Variants in CCDC170 observed in about 807,000 individuals in gnomAD.
The protein encoded by CCDC170 is coiled-coil domain-containing protein 170.
A neutral mutation model predicts 72.6 loss-of-function variants in CCDC170; 69 were observed. The ratio of observed to expected loss-of-function variants is 0.95; its 90% CI spans 0.78 to 1.16. The LOEUF is 1.16. Among genes scored for constraint, CCDC170 ranks in the 50% most tolerant of loss-of-function variants. CCDC170 has a pLI of 0.00. For missense variants in CCDC170, 852 were observed against 832.5 expected (o/e 1.02, Z -0.29); for synonymous variants, 300 against 303.9 (o/e 0.99, Z 0.13).
At chr6:151,519,150 C>T (rs1782280768) in intron 1 of CCDC170, among the ~76,000 whole-genome samples, 1 of 152,058 alleles carries the variant, frequency 6.6e-6, no homozygotes, top group African/African-American at 2.4e-5. Context: ...CTGCAAGAGA[C>T]CAGGGTGTAT....
chr6:151,527,510 G>C (rs1036146105), intron 1 of CCDC170, among the ~76,000 whole-genome samples: 1 of 152,148 alleles, frequency 6.6e-6, no homozygotes, highest in Non-Finnish European at 1.5e-5. Context: ...AAAATTGACA[G>C]GATGAATGAT....
At chr6:151,552,273 G>C (rs921248209) in intron 5 of CCDC170, among the ~76,000 whole-genome samples, 1 of 151,504 alleles carries the variant, frequency 6.6e-6, no homozygotes, top group Non-Finnish European at 1.5e-5. Flanking sequence ...CACTGCTGGT[G>C]ACGATAAGTT....
chr6:151,592,274 T>C (rs1279062377), intron 7 of CCDC170, among the ~76,000 whole-genome samples: 1 of 151,994 alleles, frequency 6.6e-6, no homozygotes, highest in Non-Finnish European at 1.5e-5. Flanking sequence ...GCAGGAGAAT[T>C]GCCGGAACCT....
At chr6:151,563,059 A>T (rs958961605) in intron 5 of CCDC170, among the ~76,000 whole-genome samples, 5 of 152,108 alleles carry the variant, frequency 3.3e-5, no homozygotes, top group Non-Finnish European at 7.4e-5. Flanking sequence ...GGCTGAGGGG[A>T]GAGTCTCTTC....
chr6:151,525,454 T>C (rs1262528748), intron 1 of CCDC170, among the ~76,000 whole-genome samples: 1 of 152,108 alleles, frequency 6.6e-6, no homozygotes, highest in Non-Finnish European at 1.5e-5. Flanking sequence ...CCCTAACTGA[T>C]CAATTGACCT....
intron 5 of CCDC170, among the ~76,000 whole-genome samples, chr6:151,560,753 G>T (rs1156820166): frequency 6.6e-6 from 1 of 152,008 alleles, no homozygotes; most frequent in Non-Finnish European, 1.5e-5. Flanking sequence ...TTTAAATTCT[G>T]TTTTATCTGA....
chr6:151,535,064 C>T (rs1181297206), intron 1 of CCDC170, among the ~76,000 whole-genome samples: 3 of 152,164 alleles, frequency 2.0e-5, no homozygotes, highest in African/African-American at 7.2e-5. Flanking sequence ...CAGATGGAAA[C>T]AGGACCAGAG....
chr6:151,533,616 G>A (rs887060077), intron 1 of CCDC170, among the ~76,000 whole-genome samples: 8 of 150,428 alleles, frequency 5.3e-5, no homozygotes, highest in Admixed American at 2.0e-4. Context: ...GCAGTGAGCC[G>A]AGATTGTGCC....
intron 9 of CCDC170, among the ~76,000 whole-genome samples, chr6:151,597,135 A>T (rs966858021): frequency 1.4e-5 from 2 of 138,442 alleles, no homozygotes; most frequent in African/African-American, 5.5e-5. Flanking sequence ...CTTATAAAAA[A>T]TTTTTTCGAG....
chr6:151,575,525 C>T lies in CCDC170; in HGVS notation c.1092+2034C>T, dbSNP rs796426604. 2.6e-4 allele frequency among the ~76,000 whole-genome samples: 21 copies of T among 79,670 alleles called. No homozygotes were observed. The East Asian group carries it at 6.8e-3, about 26-fold the overall frequency. The allele number at this position is 79,670 out of a possible 152,430, so 52.3% of individuals were successfully genotyped here. A position where few individuals can be genotyped will look rare whatever the true frequency, so the allele number is the denominator to read the frequency against. On this transcript the variant is annotated intron_variant, in intron 6 of 10. Coordinates refer to ENST00000239374, the MANE Select transcript of CCDC170 (RefSeq NM_025059.4). Reference sequence around the variant, plus strand: ...AAGCACATTTTCTTTTCTTTTCTTTCTTTTTTTTTTTTTTTTTTTTTTGAG... The same window carrying T: ...AAGCACATTTTCTTTTCTTTTCTTTTTTTTTTTTTTTTTTTTTTTTTTGAG...
chr6:151,607,878 T>C (rs749404414), intron 9 of CCDC170, among the ~76,000 whole-genome samples: 42 of 152,224 alleles, frequency 2.8e-4, no homozygotes, highest in Non-Finnish European at 4.4e-4. Flanking sequence ...TGTCTATATC[T>C]CTCACAAGAC....
chr6:151,526,508 C>A (rs1232281681), intron 1 of CCDC170, among the ~76,000 whole-genome samples: 2 of 148,388 alleles, frequency 1.3e-5, no homozygotes, highest in Non-Finnish European at 3.0e-5. Flanking sequence ...GCATGAGCCA[C>A]CCCGCCTGGC....
intron 1 of CCDC170, among the ~76,000 whole-genome samples, chr6:151,534,945 T>C (rs1204304578): frequency 6.6e-6 from 1 of 152,200 alleles, no homozygotes. Context: ...ATGAATGGCT[T>C]TCTTCTGTGT....
chr6:151,612,325 C>T (rs1396979005), intron 9 of CCDC170, among the ~76,000 whole-genome samples: 1 of 152,178 alleles, frequency 6.6e-6, no homozygotes, highest in East Asian at 1.9e-4. Context: ...CAGTAGTCTC[C>T]ACATGTCATC....
intron 5 of CCDC170, among the ~76,000 whole-genome samples, chr6:151,554,586 G>A (rs909803400): frequency 2.0e-5 from 3 of 152,126 alleles, no homozygotes; most frequent in African/African-American, 4.8e-5. Flanking sequence ...TTAGCCAAGC[G>A]TGTGGTGGGC....
chr6:151,537,480 T>C (rs909048958), intron 2 of CCDC170, among the ~76,000 whole-genome samples: 1 of 152,234 alleles, frequency 6.6e-6, no homozygotes, highest in Non-Finnish European at 1.5e-5. Flanking sequence ...ACAGAACTCA[T>C]AAAAGTTAAA....
chr6:151,494,195 C>T lies in CCDC170; in HGVS notation c.57+10C>T. The T allele has an allele frequency of 6.6e-7, 1 of 1,503,812 alleles. No homozygotes were observed. The highest frequency in any genetic ancestry group is 8.9e-7 in the Non-Finnish European group (1 of 1,129,164). 93.2% of individuals were successfully genotyped at this position (1,503,812 alleles called of 1,614,324 possible). On this transcript the variant is annotated intron_variant, in intron 1 of 10. Coordinates refer to ENST00000239374, the MANE Select transcript of CCDC170 (RefSeq NM_025059.4). ...TTCGCCAGCGCCCGAGGTACGGTCC[C>T]AGCCGCCGGCCGCGCGCGGGGGTGG...
rs910860955 is a variant in CCDC170, at chr6:151,536,727, A to C, written c.186+281A>C. Among the ~76,000 whole-genome samples the C allele has an allele frequency of 1.1e-4, 15 of 140,846 alleles. No individual in the cohort carries two copies. In the Admixed American group the frequency reaches 1.1e-3, roughly 10 times the overall value. 92.4% of individuals were successfully genotyped at this position (140,846 alleles called of 152,430 possible). On this transcript the variant is annotated intron_variant, in intron 2 of 10. Coordinates refer to ENST00000239374, the MANE Select transcript of CCDC170 (RefSeq NM_025059.4). ...GAGGTGGAGGTTGCAGTGAGGCGAGATCACAGTACTGCACTCCAGCCTGGT... is the reference window on the plus strand; with the variant it reads ...GAGGTGGAGGTTGCAGTGAGGCGAGCTCACAGTACTGCACTCCAGCCTGGT...
intron 5 of CCDC170, among the ~76,000 whole-genome samples, chr6:151,567,566 C>T (rs1776155542): frequency 2.0e-5 from 3 of 152,154 alleles, no homozygotes; most frequent in Non-Finnish European, 2.9e-5. Context: ...ATCTTCAATC[C>T]TTCATCTGTC....
Sources: gnomAD v4.1 joint callset for allele counts (sites outside exome capture counted in the v4.1 genomes callset) on GRCh38, gnomAD v4.1.1 for gene constraint, MANE v1.5 for transcripts, NCBI Gene and HGNC (gene_info 2026-07-23, HGNC 2026-07-21) for gene names.